Variants in WWOX observed in about 807,000 individuals in gnomAD.
WWOX encodes the protein WW domain containing oxidoreductase.
WWOX carries 69 observed loss-of-function variants against 46.2 expected under a neutral mutation model. That is an observed-to-expected ratio of 1.49 (90% CI 1.23 to 1.82). The LOEUF is 1.82. Ranked by LOEUF, WWOX falls within the 40% of genes most tolerant of loss-of-function variation. WWOX has a pLI of 0.00. For missense variants in WWOX, 919 were observed against 542.6 expected, an observed-to-expected ratio of 1.69 and a Z score of -6.89; for synonymous variants, 359 against 202.6, an observed-to-expected ratio of 1.77 and a Z score of -6.56.
At chr16:78,365,035 G>C (rs1567527258) in intron 5 of WWOX, among the ~76,000 whole-genome samples, 1 of 152,138 alleles carries the variant, frequency 6.6e-6, no homozygotes, top group Admixed American at 6.5e-5. Flanking sequence ...TAATTCTTTG[G>C]GGCCGGTTAG....
At chr16:78,236,909 T>A (rs999385064) in intron 5 of WWOX, among the ~76,000 whole-genome samples, 5 of 152,080 alleles carry the variant, frequency 3.3e-5, no homozygotes, top group African/African-American at 1.2e-4. Flanking sequence ...ACCCTATCTC[T>A]ACTAAAAATA....
At chr16:78,520,278 A>T (rs1056540594) in intron 8 of WWOX, among the ~76,000 whole-genome samples, 10 of 152,218 alleles carry the variant, frequency 6.6e-5, no homozygotes, top group Non-Finnish European at 1.5e-4. Flanking sequence ...CTTGATAGAA[A>T]CACTCAACGC....
chr16:78,974,974 AGGCTT>A (rs1464924389), intron 8 of WWOX, among the ~76,000 whole-genome samples: 1 of 152,142 alleles, frequency 6.6e-6, no homozygotes, highest in Non-Finnish European at 1.5e-5. Flanking sequence ...GGACATTTCT[AGGCTT>A]GTGGAAGGGA....
intron 5 of WWOX, among the ~76,000 whole-genome samples, chr16:78,364,933 A>G (rs537608580): frequency 1.3e-5 from 2 of 152,272 alleles, no homozygotes; most frequent in East Asian, 3.9e-4. Flanking sequence ...CATTCTTTAC[A>G]AAGATGTTCC....
At chr16:78,680,884 G>C (rs981425295) in intron 8 of WWOX, among the ~76,000 whole-genome samples, 7 of 152,136 alleles carry the variant, frequency 4.6e-5, no homozygotes, top group African/African-American at 1.7e-4. Flanking sequence ...GATGAAGTGG[G>C]AGGAAAGTTT....
intron 8 of WWOX, among the ~76,000 whole-genome samples, chr16:78,476,617 A>G (rs942276194): frequency 2.4e-3 from 3 of 1,238 alleles, no homozygotes; most frequent in African/African-American, 0.022. Flanking sequence ...AAAAATACAT[A>G]TTAAAAAAAA....
intron 6 of WWOX, among the ~76,000 whole-genome samples, chr16:78,407,968 T>C (rs1479669159): frequency 6.6e-6 from 1 of 152,162 alleles, no homozygotes; most frequent in Admixed American, 6.5e-5. Flanking sequence ...CAAGCAAAAT[T>C]GGAAGCCAAG....
chr16:78,321,302 A>ATGTATATATATG (rs2080464529), intron 5 of WWOX, among the ~76,000 whole-genome samples: 1 of 70,252 alleles, frequency 1.4e-5, no homozygotes, highest in Non-Finnish European at 3.0e-5. Context: ...GTATATATAT[A>ATGTATATATATG]CGTATATATA....
intron 8 of WWOX, among the ~76,000 whole-genome samples, chr16:79,035,714 T>G (rs1038993173): frequency 6.6e-6 from 1 of 152,062 alleles, no homozygotes; most frequent in Non-Finnish European, 1.5e-5. Flanking sequence ...AATGTTTGTA[T>G]TTTTAGTAGG....
intron 8 of WWOX, among the ~76,000 whole-genome samples, chr16:78,765,351 T>A (rs1443428532): frequency 1.3e-5 from 2 of 152,180 alleles, no homozygotes; most frequent in African/African-American, 2.4e-5. Context: ...TTGCTCTGAC[T>A]TCAGGAAGCA....
At chr16:78,393,590 C>G (rs192133016) in intron 6 of WWOX, among the ~76,000 whole-genome samples, 9 of 152,232 alleles carry the variant, frequency 5.9e-5, no homozygotes, top group East Asian at 1.9e-4. Flanking sequence ...AAGTTGGTGA[C>G]GACACCTGAG....
intron 8 of WWOX, among the ~76,000 whole-genome samples, chr16:78,573,123 A>G (rs2044760156): frequency 6.6e-6 from 1 of 151,206 alleles, no homozygotes; most frequent in South Asian, 2.1e-4. Context: ...GTCTGTACCA[A>G]AAATACAAAA....
intron 8 of WWOX, among the ~76,000 whole-genome samples, chr16:78,591,041 T>G (rs1254390197): frequency 6.6e-6 from 1 of 152,342 alleles, no homozygotes; most frequent in South Asian, 2.1e-4. Context: ...AAATGTGTTA[T>G]CTGCCCTAGT....
At chr16:78,426,000 C>CT (rs1436099422) in intron 7 of WWOX, among the ~76,000 whole-genome samples, 1 of 152,142 alleles carries the variant, frequency 6.6e-6, no homozygotes, top group Admixed American at 6.6e-5. Flanking sequence ...CAAGGGTTAG[C>CT]TTGAACCCTT....
intron 8 of WWOX, among the ~76,000 whole-genome samples, chr16:79,144,097 CTA>C (rs1567579706): frequency 6.6e-6 from 1 of 152,102 alleles, no homozygotes; most frequent in Non-Finnish European, 1.5e-5. Flanking sequence ...TGGAGTATTG[CTA>C]TGTTGCCCAG....
intron 6 of WWOX, among the ~76,000 whole-genome samples, chr16:78,399,837 T>G (rs374330144): frequency 1.3e-5 from 2 of 152,188 alleles, no homozygotes; most frequent in Non-Finnish European, 2.9e-5. Flanking sequence ...CACACTGAAA[T>G]CACATTTTAA....
chr16:78,913,282 C>T (rs1370434449), intron 8 of WWOX, among the ~76,000 whole-genome samples: 1 of 151,922 alleles, frequency 6.6e-6, no homozygotes, highest in Non-Finnish European at 1.5e-5. Context: ...ATCAGCAAGC[C>T]CGTTTTTTGC....
At chr16:79,068,823 T>TAATAAC (rs2048492020) in intron 8 of WWOX, among the ~76,000 whole-genome samples, 2 of 48,032 alleles carry the variant, frequency 4.2e-5, no homozygotes, top group Non-Finnish European at 7.3e-5. Flanking sequence ...AAAAACCCAA[T>TAATAAC]AATAATAATA....
At chr16:78,423,799 C>T (rs981286526) in intron 6 of WWOX, among the ~76,000 whole-genome samples, 1 of 150,894 alleles carries the variant, frequency 6.6e-6, no homozygotes, top group African/African-American at 2.4e-5. Flanking sequence ...TGAGTTATGA[C>T]CACACCACTG....
Sources: allele counts gnomAD v4.1 joint callset (sites outside exome capture counted in the v4.1 genomes callset), GRCh38; gene constraint gnomAD v4.1.1; transcripts MANE v1.5; gene names NCBI Gene and HGNC (gene_info 2026-07-23, HGNC 2026-07-21).